ZNF132: variants seen among roughly 807,000 people sequenced by gnomAD.
ZNF132 encodes the protein zinc finger protein 132 (clone pHZ-12).
A neutral mutation model predicts 9.3 loss-of-function variants in ZNF132; 6 were observed. That is an observed-to-expected ratio of 0.65 (90% CI 0.35 to 1.28). ZNF132 has a LOEUF of 1.28. Among genes scored for constraint, ZNF132 ranks in the 50% most tolerant of loss-of-function variants. ZNF132 has a pLI of 0.03. For missense variants in ZNF132, 877 were observed against 843.2 expected (o/e 1.04, Z -0.50); for synonymous variants, 296 against 292.0 (o/e 1.01, Z -0.14).
Position 58,439,955 on chromosome 19 carries a change from TG to T in ZNF132, c.-135del. The T allele has an allele frequency of 1.1e-6, 1 of 895,634 alleles. No individual in the cohort carries two copies. The highest frequency in any genetic ancestry group is 3.0e-5 in the East Asian group (1 of 33,742). 55.5% of individuals were successfully genotyped at this position (895,634 alleles called of 1,614,324 possible). On this transcript the variant is annotated 5_prime_UTR_variant, in exon 1 of 3. An upstream open reading frame in the 5' UTR loses its in-frame stop. Coordinates refer to ENST00000254166, the MANE Select transcript of ZNF132 (RefSeq NM_003433.4). ...CTCTGGGCACCGCAGGGACGAAGGC[TG>T]GGTATGGAGACCCTGGAGACGCGTG...
At position 58,433,091 on chromosome 19, in the gene ZNF132, T is replaced by G. The variant is rs1568596177; in HGVS notation, c.*232A>C. 1 of 502,132 alleles carries G rather than the reference T, an allele frequency of 2.0e-6. No individual in the cohort carries two copies. Among genetic ancestry groups the G allele is most frequent in the African/African-American group, 2.1e-5 (1 of 46,712 alleles). 31.1% of individuals were successfully genotyped at this position (502,132 alleles called of 1,614,324 possible). A position where few individuals can be genotyped will look rare whatever the true frequency, so the allele number is the denominator to read the frequency against. ...TCCCCATGCATGAGGACAGGACTGC[T>G]GCAAATTTTTGGATCCAGGCAAGAT... On this transcript the variant is annotated 3_prime_UTR_variant, in exon 3 of 3. Transcript: ENST00000254166.
Position 58,434,934 on chromosome 19 carries a change from A to G in ZNF132, c.510T>C (p.Phe170=). The change falls in exon 3 of 3, where the codon TTT becomes TTC. Residue 170 remains phenylalanine, a synonymous_variant. Coordinates refer to ENST00000254166, the MANE Select transcript of ZNF132 (RefSeq NM_003433.4). ...GTGCGTCCCTGTCCTTGTACCATCT[A>G]AAGGGCTTCCCTCCACTGTGCTCCT... ...HQKEHSGGKP[F]RWYKDRDALM... The G allele has an allele frequency of 6.2e-7, 1 of 1,614,132 alleles. No homozygotes were observed. The highest frequency in any genetic ancestry group is 1.1e-5 in the South Asian group (1 of 91,074).
chr19:58,435,503 T>A, intron 2 of ZNF132: 1 of 282,648 alleles, frequency 3.5e-6, no homozygotes. Flanking sequence ...CCAATAAGCA[T>A]ATGAAAAGAA....
chr19:58,434,289 G>T lies in ZNF132; in HGVS notation c.1155C>A (p.Ser385Arg), dbSNP rs749205106. The T allele has an allele frequency of 1.2e-6, 2 of 1,613,850 alleles. No homozygotes were observed. The highest frequency in any genetic ancestry group is 3.3e-5 in the Admixed American group (2 of 60,002). ...GATGCCGAAGGAAATTGGAGCTTTG[G>T]CTGAAGGCTCTTCCACATTTCAGGC... is the stretch of plus-strand genomic sequence containing the variant. ...FECLKCGRAF[S>R]QSSNFLRHQK... The change falls in exon 3 of 3, where the codon AGC becomes AGA. Residue 385 changes from serine (S) to arginine (R), a missense_variant. By Grantham distance (110) the Ser-to-Arg change is moderately radical (BLOSUM62 -1). Transcript: ENST00000254166.
rs1404592738 is a variant in ZNF132 at position 58,434,503 on chromosome 19, G to T, written c.941C>A (p.Thr314Asn). Residue 314 changes from threonine (T) to asparagine (N), a missense_variant, in exon 3 of 3, where the codon ACT becomes AAT. Thr to Asn is a moderately conservative substitution (Grantham distance 65). Transcript: ENST00000254166. ...SKLRKHQKFHTEVKYYECIAC... is the reference protein window; with the variant it reads ...SKLRKHQKFHNEVKYYECIAC... ...AATGCACTCATAATATTTTACTTCA[G>T]TGTGAAATTTCTGGTGCTTCCTCAG... The T allele has an allele frequency of 6.2e-7, 1 of 1,614,082 alleles. No individual in the cohort carries two copies. Among genetic ancestry groups the T allele is most frequent in the African/African-American group, 1.3e-5 (1 of 74,940 alleles).
In ZNF132 at chr19:58,433,791, G is replaced by C. The variant is rs61731798; in HGVS notation, c.1653C>G (p.Ala551=). 9.7e-5 allele frequency: 157 copies of C among 1,614,084 alleles called. No individual in the cohort carries two copies. The highest frequency in any genetic ancestry group is 1.2e-4 in the Non-Finnish European group (147 of 1,180,036). ...KPYECSECGK[A]FAHSSTLIEH... ...CAATGAGAGTGGAGCTGTGAGCAAA[G>C]GCTTTCCCACACTCACTACACTCGT... Residue 551 remains alanine, a synonymous_variant, in exon 3 of 3, where the codon GCC becomes GCG. Coordinates refer to ENST00000254166, the MANE Select transcript of ZNF132 (RefSeq NM_003433.4).
chr19:58,438,225 G>A (rs1055273454), intron 1 of ZNF132, among the ~76,000 whole-genome samples: 1 of 152,174 alleles, frequency 6.6e-6, no homozygotes, highest in African/African-American at 2.4e-5. Context: ...TGCTCAGGAG[G>A]CTCAGCCACT....
Position 58,433,091 on chromosome 19 carries a change from T to C in ZNF132, c.*232A>G. On this transcript the variant is annotated 3_prime_UTR_variant, in exon 3 of 3. Coordinates refer to ENST00000254166, the MANE Select transcript of ZNF132 (RefSeq NM_003433.4). Reference sequence around the variant, plus strand: ...TCCCCATGCATGAGGACAGGACTGCTGCAAATTTTTGGATCCAGGCAAGAT... The same window carrying C: ...TCCCCATGCATGAGGACAGGACTGCCGCAAATTTTTGGATCCAGGCAAGAT... 1 of 502,132 alleles carries C rather than the reference T, an allele frequency of 2.0e-6. No homozygotes were observed. The allele number at this position is 502,132 out of a possible 1,614,324, so 31.1% of individuals were successfully genotyped here. A position where few individuals can be genotyped will look rare whatever the true frequency, so the allele number is the denominator to read the frequency against.
Position 58,434,335 on chromosome 19 carries a change from G to A in ZNF132, c.1109C>T (p.Thr370Ile). 2 of 1,614,246 alleles carry A rather than the reference G, an allele frequency of 1.2e-6. No homozygotes were observed. The highest frequency in any genetic ancestry group is 1.7e-6 in the Non-Finnish European group (2 of 1,180,044). ...CAGGCACTCAAAAGGCCTTTCTCCA[G>A]TGTGAACTTTCTCATGCCGAATGAG... Reference protein sequence around the residue: ...SHLIRHEKVHTGERPFECLKC... With the variant: ...SHLIRHEKVHIGERPFECLKC... Residue 370 changes from threonine (T) to isoleucine (I), a missense_variant, in exon 3 of 3, where the codon ACT (threonine) becomes ATT (isoleucine). Coordinates refer to ENST00000254166, the MANE Select transcript of ZNF132 (RefSeq NM_003433.4).
At chr19:58,436,031 A>G (rs1205698325) in intron 2 of ZNF132, among the ~76,000 whole-genome samples, 1 of 152,274 alleles carries the variant, frequency 6.6e-6, no homozygotes, top group Non-Finnish European at 1.5e-5. Flanking sequence ...TGAAATATTG[A>G]TACATGCTAC....
chr19:58,434,737 AAG>A lies in ZNF132; in HGVS notation c.705_706del (p.Phe236ArgfsTer24). 1.9e-6 allele frequency: 3 copies of A among 1,614,182 alleles called. No homozygotes were observed. The highest frequency in any genetic ancestry group is 2.5e-6 in the Non-Finnish European group (3 of 1,180,036). On this transcript the variant is annotated frameshift_variant, in exon 3 of 3. Coordinates refer to ENST00000254166, the MANE Select transcript of ZNF132 (RefSeq NM_003433.4). LOFTEE classifies it low-confidence loss of function (END_TRUNC). ...GGCTTTTCCACAGTTGCTGCACTCGAAGAGTTTCTGTGTGGTACAGACTTCTG... is the reference window on the plus strand; with the variant it reads ...GGCTTTTCCACAGTTGCTGCACTCGAAGTTTCTGTGTGGTACAGACTTCTG...
chr19:58,433,451 T>C lies in ZNF132; in HGVS notation c.1993A>G (p.Ser665Gly), dbSNP rs1382003905. 6.3e-7 allele frequency: 1 copy of C among 1,598,008 alleles called. No individual in the cohort carries two copies. The highest frequency in any genetic ancestry group is 2.3e-5 in the East Asian group (1 of 44,338). The change falls in exon 3 of 3, where the codon AGT becomes GGT. Residue 665 changes from serine (S) to glycine (G), a missense_variant. Physicochemically the swap from Ser to Gly is moderately conservative, Grantham distance 56. Coordinates refer to ENST00000254166, the MANE Select transcript of ZNF132 (RefSeq NM_003433.4). ...YECIQCGKAF[S>G]ERSTLVRHQK... is the part of the protein sequence containing the mutation. ...TGCCGAACAAGTGTAGATCTTTCACTAAAGGCTTTTCCACACTGGATGCAC... is the reference window on the plus strand; with the variant it reads ...TGCCGAACAAGTGTAGATCTTTCACCAAAGGCTTTTCCACACTGGATGCAC...
Position 58,434,210 on chromosome 19 carries a change from A to G in ZNF132, c.1234T>C (p.Phe412Leu), listed in dbSNP as rs758409615. Residue 412 changes from phenylalanine (F) to leucine (L), a missense_variant, in exon 3 of 3, where the codon TTC becomes CTC. Phe to Leu is a conservative substitution (Grantham distance 22, BLOSUM62 0). Transcript: ENST00000254166. ...TGAATGAGAGCAGAGCTTCGGCTGA[A>G]GGATTTACCACATTGACTGCACTCA... ...PYECSQCGKS[F>L]SRSSALIQHW... 1 of 1,614,126 alleles carries G rather than the reference A, an allele frequency of 6.2e-7. No individual in the cohort carries two copies. Among genetic ancestry groups the G allele is most frequent in the Non-Finnish European group, 8.5e-7 (1 of 1,179,952 alleles).
rs1340124637 is a variant in ZNF132, at chr19:58,434,850, C to T, written c.594G>A (p.Gly198=). 1.9e-6 allele frequency: 3 copies of T among 1,614,170 alleles called. No homozygotes were observed. Among genetic ancestry groups the T allele is most frequent in the Admixed American group, 1.7e-5 (1 of 60,018 alleles). The change falls in exon 3 of 3, where the codon GGG becomes GGA. Residue 198 remains glycine (G), a synonymous_variant. Coordinates refer to ENST00000254166, the MANE Select transcript of ZNF132 (RefSeq NM_003433.4). ...SENPFTCREG[G]KVILGSCDLL... ...GGTCACAGCTGCCCAGGATGACCTTCCCACCTTCCCTGCAAGTGAAGGGGT... is the reference window on the plus strand; with the variant it reads ...GGTCACAGCTGCCCAGGATGACCTTTCCACCTTCCCTGCAAGTGAAGGGGT...
At chr19:58,436,134 A>G (rs941841606) in intron 2 of ZNF132, among the ~76,000 whole-genome samples, 3 of 152,236 alleles carry the variant, frequency 2.0e-5, no homozygotes, top group South Asian at 2.1e-4. Context: ...GTAAATCTAT[A>G]TAGTCAGAAA....
At chr19:58,439,278 G>A (rs1395973202) in intron 1 of ZNF132, among the ~76,000 whole-genome samples, 1 of 152,034 alleles carries the variant, frequency 6.6e-6, no homozygotes, top group Non-Finnish European at 1.5e-5. Context: ...CCAGTCTGCT[G>A]CCCACTAGGC....
chr19:58,439,711 G>A (rs2052791421), intron 1 of ZNF132, 48 bp downstream of exon 1: 2 of 1,488,432 alleles, frequency 1.3e-6, no homozygotes, highest in African/African-American at 1.5e-5. Context: ...TCAGGATCCT[G>A]AGGGCCGGAA....
In ZNF132 at chr19:58,433,345, T is replaced by G. The variant is rs753164584; in HGVS notation, c.2099A>C (p.Gln700Pro). The G allele has an allele frequency of 1.2e-6, 2 of 1,613,426 alleles. No individual in the cohort carries two copies. The highest frequency in any genetic ancestry group is 4.5e-5 in the East Asian group (2 of 44,880). Residue 700 changes from glutamine to proline, a missense_variant, in exon 3 of 3, where the codon CAG (glutamine) becomes CCG (proline). By Grantham distance (76) the Gln-to-Pro change is moderately conservative. Transcript: ENST00000254166. ...CACTCAGGTATGAATCTTTTTATGC[T>G]GTGCAAGGTTACAAAGATGGCTGAA... The part of the protein sequence containing the change: ...KLFSHLCNLA[Q>P]HKKIHT
At chr19:58,437,322 C>T (rs2052779183) in intron 1 of ZNF132, 107 bp from the exon 2 acceptor site, 1 of 1,287,372 alleles carries the variant, frequency 7.8e-7, no homozygotes. Flanking sequence ...TTATGATCCT[C>T]TCAGTCCACC....
Sources: allele counts gnomAD v4.1 joint callset (sites outside exome capture counted in the v4.1 genomes callset), GRCh38; gene constraint gnomAD v4.1.1; transcripts MANE v1.5; gene names NCBI Gene and HGNC (gene_info 2026-07-23, HGNC 2026-07-21).